The following WDR62 variants were observed in gnomAD, a reference collection of about 807,000 sequenced individuals.
The protein encoded by WDR62 is WD repeat domain 62, also known as WD repeat-containing protein 62.
WDR62 carries 112 observed loss-of-function variants against 160.6 expected under a neutral mutation model. The ratio of observed to expected loss-of-function variants is 0.70; its 90% confidence interval spans 0.60 to 0.82. The LOEUF (loss-of-function observed/expected upper bound fraction) is 0.82, where lower values mean the gene tolerates loss of function less well. Among genes scored for constraint, WDR62 ranks in the 40% least tolerant of loss-of-function variants. The pLI, the probability that WDR62 is intolerant of heterozygous loss-of-function variation, is 0.00. For missense variants in WDR62, 1,819 were observed against 1,983.8 expected, an observed-to-expected ratio of 0.92 and a Z score of 1.58; for synonymous variants, 792 against 815.1, an observed-to-expected ratio of 0.97 and a Z score of 0.48.
intron 9 of WDR62, chr19:36,073,867 G>C: frequency 2.6e-6 from 1 of 384,350 alleles, no homozygotes; most frequent in Non-Finnish European, 5.1e-6. Context: ...CATATGAGCA[G>C]AGACCTGCAG....
chr19:36,072,720 T>C (rs1404780249), intron 8 of WDR62, among the ~76,000 whole-genome samples: 1 of 151,944 alleles, frequency 6.6e-6, no homozygotes, highest in African/African-American at 2.4e-5. Context: ...CCACAGGCAG[T>C]GTTGTGTTGT....
chr19:36,099,676 T>TG, intron 22 of WDR62, 59 bp downstream of exon 22: 1 of 1,566,182 alleles, frequency 6.4e-7, no homozygotes. Flanking sequence ...CCCCAGGGCC[T>TG]GGCGCCTTAG....
chr19:36,081,691 C>T (rs1034522742), intron 10 of WDR62, 121 bp downstream of exon 10: 13 of 1,386,886 alleles, frequency 9.4e-6, no homozygotes, highest in South Asian at 2.4e-5. Context: ...GGGCAAGAGC[C>T]GGCAACCAAG....
chr19:36,100,758 C>T lies in WDR62; in HGVS notation c.2750C>T (p.Pro917Leu), dbSNP rs752601653. The T allele has an allele frequency of 1.3e-5, 21 of 1,614,112 alleles. No homozygotes were observed. Among genetic ancestry groups the T allele is most frequent in the South Asian group, 3.3e-5 (3 of 91,080 alleles). The part of the protein sequence containing the change: ...LASLLSESES[P>L]QEAGRGHPSF... The stretch of plus-strand genomic sequence containing the variant: ...CTGTCTTCCCCATAGTCAGAGAGTC[C>T]CCAGGAAGCTGGCCGCGGGCACCCC... The change falls in exon 23 of 32, where the codon CCC (proline) becomes CTC (leucine). Residue 917 changes from proline to leucine, a missense_variant. Pro to Leu is a moderately conservative substitution (Grantham distance 98). Transcript: ENST00000401500.
chr19:36,077,541 A>G (rs945083012), intron 9 of WDR62, among the ~76,000 whole-genome samples: 1 of 151,262 alleles, frequency 6.6e-6, no homozygotes, highest in African/African-American at 2.4e-5. Flanking sequence ...CAGCCTCCCA[A>G]AGTGGTGGGA....
chr19:36,083,309 C>T (rs1972013900), intron 11 of WDR62, 68 bp downstream of exon 11: 9 of 1,500,642 alleles, frequency 6.0e-6, no homozygotes, highest in Non-Finnish European at 6.4e-6. Context: ...GGGCAGTGGG[C>T]AGAAGCCCTG....
intron 9 of WDR62, among the ~76,000 whole-genome samples, chr19:36,078,726 C>T (rs1971720764): frequency 6.6e-6 from 1 of 150,578 alleles, no homozygotes; most frequent in Admixed American, 6.6e-5. Flanking sequence ...ATCCCAGCTA[C>T]TTGGGGGGCT....
At chr19:36,063,544 C>CAGACATTA (rs1970779707) in intron 3 of WDR62, among the ~76,000 whole-genome samples, 1 of 152,272 alleles carries the variant, frequency 6.6e-6, no homozygotes, top group African/African-American at 2.4e-5. Context: ...AGCCACTGCA[C>CAGACATTA]CCGGCCAATC....
In WDR62 at chr19:36,103,649, CCA is replaced by C; in HGVS notation, c.3822_3823del (p.Ser1275PhefsTer4). 1 of 1,610,544 alleles carries C rather than the reference CCA, an allele frequency of 6.2e-7. No homozygotes were observed. The highest frequency in any genetic ancestry group is 8.5e-7 in the Non-Finnish European group (1 of 1,180,000). On this transcript the variant is annotated frameshift_variant, in exon 30 of 32. Transcript: ENST00000401500. LOFTEE classifies it high-confidence loss of function. ...CAGGCCATCACCACCGCGACAACAC[CCA>C]GTTTGGACAGTGAGGGCCAAGAGCC...
chr19:36,088,986 C>A, intron 13 of WDR62, 52 bp from the exon 14 acceptor site: 2 of 1,601,906 alleles, frequency 1.2e-6, no homozygotes, highest in Non-Finnish European at 1.7e-6. Flanking sequence ...AGCTAGGGTC[C>A]CCTGCCCATG....
chr19:36,064,159 C>T lies in WDR62; in HGVS notation c.333-1799C>T, dbSNP rs576376715. ...GCATGCGACAGGTTAGAGGTGGCTA[C>T]GGGCAACAGAAACCCCTCCACAGCA... On this transcript the variant is annotated intron_variant, in intron 3 of 31. Coordinates refer to ENST00000401500, the MANE Select transcript of WDR62 (RefSeq NM_001083961.2). Among the ~76,000 whole-genome samples, 37 of 152,296 alleles carry T rather than the reference C, an allele frequency of 2.4e-4. No individual in the cohort carries two copies. In the South Asian group the frequency reaches 7.2e-3, roughly 30 times the overall value.
intron 14 of WDR62, 28 bp from the exon 15 acceptor site, chr19:36,089,157 T>A (rs1443871674): frequency 6.2e-7 from 1 of 1,613,004 alleles, no homozygotes; most frequent in East Asian, 2.2e-5. Context: ...GTCGGGGCAT[T>A]CTCTGAAGGT....
rs1352303824 is a variant in WDR62, at chr19:36,103,385, C to T, written c.3557C>T (p.Ser1186Phe). ...TSLASCVPAS[S>F]VLPTDRNLPT... ...CTGGCGTCCTGTGTCCCTGCTTCCT[C>T]CGTGCTGCCCACAGACAGGAATCTC... is the stretch of plus-strand genomic sequence containing the variant. Residue 1186 changes from serine (S) to phenylalanine (F), a missense_variant, in exon 30 of 32, where the codon TCC (serine) becomes TTC (phenylalanine). Physicochemically the swap from Ser to Phe is radical, Grantham distance 155 (BLOSUM62 -2). Transcript: ENST00000401500. 1.2e-6 allele frequency: 2 copies of T among 1,614,136 alleles called. No homozygotes were observed. Among genetic ancestry groups the T allele is most frequent in the Admixed American group, 3.3e-5 (2 of 60,030 alleles).
In WDR62 at chr19:36,083,377, A is replaced by G. The variant is rs548135718; in HGVS notation, c.1550+136A>G. ...AGGGGCTGTGAATAGTAATCCCATG[A>G]ACAGCTCCCATTGGGAACTTAAGCT... On this transcript the variant is annotated intron_variant, in intron 11 of 31. Transcript: ENST00000401500. 1.2e-5 allele frequency: 11 copies of G among 920,256 alleles called. No homozygotes were observed. The Admixed American group carries it at 1.6e-4, about 13-fold the overall frequency. 57.0% of individuals were successfully genotyped at this position (920,256 alleles called of 1,614,324 possible).
chr19:36,055,390 G>A (rs1395482237), intron 1 of WDR62, among the ~76,000 whole-genome samples: 2 of 152,046 alleles, frequency 1.3e-5, no homozygotes, highest in African/African-American at 2.4e-5. Flanking sequence ...GTTCCCACCC[G>A]TGGAAATGCA....
intron 21 of WDR62, among the ~76,000 whole-genome samples, chr19:36,099,013 G>A (rs938437505): frequency 2.0e-5 from 3 of 152,058 alleles, no homozygotes; most frequent in Non-Finnish European, 4.4e-5. Flanking sequence ...CTTGAGGTCA[G>A]CAGTTTGAGA....
chr19:36,106,851 G>C (rs552178029), downstream of WDR62, among the ~76,000 whole-genome samples: 1 of 152,310 alleles, frequency 6.6e-6, no homozygotes, highest in Non-Finnish European at 1.5e-5. Flanking sequence ...GGGATATCCA[G>C]TGTTGCTTAT....
chr19:36,057,467 C>A (rs1484983975), intron 1 of WDR62, among the ~76,000 whole-genome samples: 1 of 151,968 alleles, frequency 6.6e-6, no homozygotes, highest in Non-Finnish European at 1.5e-5. Context: ...CTGGCACTAC[C>A]CCTTCCTGGA....
Position 36,067,285 on chromosome 19 carries a change from T to G in WDR62, c.562-21T>G, listed in dbSNP as rs374372182. 3.1e-6 allele frequency: 5 copies of G among 1,614,060 alleles called. No homozygotes were observed. In the Admixed American group the frequency reaches 5.0e-5, roughly 16 times the overall value. On this transcript the variant is annotated intron_variant, in intron 5 of 31. Transcript: ENST00000401500. The stretch of plus-strand genomic sequence containing the variant: ...AGTGGAATGAGTGCTGGCATGAGCT[T>G]CTCTGCACTTATTCTTCCAGAAAGA...
Sources: gnomAD v4.1 joint callset for allele counts (sites outside exome capture counted in the v4.1 genomes callset) on GRCh38, gnomAD v4.1.1 for gene constraint, MANE v1.5 for transcripts, NCBI Gene and HGNC (gene_info 2026-07-23, HGNC 2026-07-21) for gene names.